Variants in GPR174 observed in about 807,000 individuals in gnomAD.
The protein encoded by GPR174 is probable G protein-coupled receptor 174.
In GPR174, 8 loss-of-function variants were observed where a neutral mutation model predicts 16.5. The ratio of observed to expected loss-of-function variants is 0.48; its 90% confidence interval spans 0.28 to 0.87. GPR174 has a LOEUF of 0.87. Ranked by LOEUF, GPR174 falls within the 40% of genes least tolerant of loss-of-function variation. GPR174 has a pLI of 0.09. For synonymous variants in GPR174, 111 were observed against 94.8 expected (o/e 1.17, Z -0.99); for missense variants, 214 against 247.5 (o/e 0.86, Z 0.91).
chrX:79,159,339 T>G (rs1212373128), intron 2 of GPR174, among the ~76,000 whole-genome samples: 4 of 112,193 alleles, frequency 3.6e-5, no homozygotes, highest in Admixed American at 2.8e-4. Context: ...TTCATAGATG[T>G]ATAAAGATAT....
At chrX:79,153,118 A>G in intron 1 of GPR174, among the ~76,000 whole-genome samples, 1 of 112,448 alleles carries the variant, frequency 8.9e-6, no homozygotes. Context: ...TGCTGTATGG[A>G]ATAGTCCAAC....
intron 2 of GPR174, among the ~76,000 whole-genome samples, chrX:79,162,476 C>G (rs1325218665): frequency 1.8e-5 from 2 of 112,038 alleles, no homozygotes; most frequent in African/African-American, 6.5e-5. Context: ...TGGCCAATAT[C>G]AAATAAGTAA....
chrX:79,163,901 A>T (rs1353169960), intron 2 of GPR174, among the ~76,000 whole-genome samples: 27 of 111,363 alleles, frequency 2.4e-4, no homozygotes, highest in Non-Finnish European at 7.6e-5. Flanking sequence ...CTCTTTGTGA[A>T]TCTAGTACCT....
chrX:79,153,403 A>T (rs1921024886), intron 1 of GPR174, among the ~76,000 whole-genome samples: 1 of 111,969 alleles, frequency 8.9e-6, no homozygotes. Flanking sequence ...CTGGAGCAGC[A>T]GGAAATGGGC....
At chrX:79,169,526 A>C (rs1921458371) in intron 2 of GPR174, among the ~76,000 whole-genome samples, 1 of 111,833 alleles carries the variant, frequency 8.9e-6, no homozygotes, top group African/African-American at 3.3e-5. Context: ...ATTGAAGTAA[A>C]ATAATAATAA....
chrX:79,165,634 A>T (rs1447276897), intron 2 of GPR174, among the ~76,000 whole-genome samples: 1 of 111,846 alleles, frequency 8.9e-6, no homozygotes, highest in East Asian at 2.8e-4. Flanking sequence ...CACCATATAG[A>T]GTAGCCACCT....
intron 1 of GPR174, among the ~76,000 whole-genome samples, chrX:79,147,531 A>G (rs904980385): frequency 9.7e-6 from 1 of 102,984 alleles, no homozygotes; most frequent in Non-Finnish European, 2.0e-5. Context: ...CCCAAAGTGC[A>G]AACTGATACT....
chrX:79,168,493 G>T (rs1385784737), intron 2 of GPR174, among the ~76,000 whole-genome samples: 1 of 108,137 alleles, frequency 9.2e-6, no homozygotes, highest in East Asian at 2.9e-4. Context: ...AAAGCCAGGA[G>T]GTGGAGAGCA....
Position 79,171,081 on chromosome X carries a change from C to T in GPR174, c.74C>T (p.Thr25Ile), listed in dbSNP as rs776484972. The T allele has an allele frequency of 1.2e-5, 14 of 1,203,667 alleles. No individual in the cohort carries two copies. The highest frequency in any genetic ancestry group is 2.3e-4 in the Middle Eastern group (1 of 4,331). Residue 25 changes from threonine (T) to isoleucine (I), a missense_variant, in exon 3 of 3, where the codon ACA (threonine) becomes ATA (isoleucine). Transcript: ENST00000645147. ...TTTCGATACTTTATTTATGCAGTGACATACACTGTCATTCTTGTGCCAGGT... is the reference window on the plus strand; with the variant it reads ...TTTCGATACTTTATTTATGCAGTGATATACACTGTCATTCTTGTGCCAGGT... ...TDFRYFIYAV[T>I]YTVILVPGLI...
chrX:79,173,315 A>G lies in GPR174; in HGVS notation c.*1306A>G, dbSNP rs938660426. ...TAATTTGGTCAGCCTTTGGCAACCAATGGCCAATGACTTGCCTACTACCTG... is the reference window on the plus strand; with the variant it reads ...TAATTTGGTCAGCCTTTGGCAACCAGTGGCCAATGACTTGCCTACTACCTG... On this transcript the variant is annotated 3_prime_UTR_variant, in exon 3 of 3. Coordinates refer to ENST00000645147, the MANE Select transcript of GPR174 (RefSeq NM_032553.3). 1.8e-5 allele frequency: 2 copies of G among 112,104 alleles called. No individual in the cohort carries two copies. Among genetic ancestry groups the G allele is most frequent in the African/African-American group, 6.5e-5 (2 of 30,846 alleles). The allele number at this position is 112,104 out of a possible 1,213,427, so 9.2% of individuals were successfully genotyped here.
At chrX:79,167,554 C>T (rs1030165483) in intron 2 of GPR174, among the ~76,000 whole-genome samples, 6 of 110,325 alleles carry the variant, frequency 5.4e-5, no homozygotes, top group Middle Eastern at 4.6e-3. Flanking sequence ...CCCGTGAGGT[C>T]CTCAATACCA....
intron 1 of GPR174, among the ~76,000 whole-genome samples, chrX:79,148,914 C>G (rs1020672899): frequency 1.8e-5 from 2 of 111,973 alleles, no homozygotes. Context: ...TTAGGTAATA[C>G]TGATGACCTA....
At chrX:79,166,432 CTTTTTTTTTTTTTTTT>C (rs1174620976) in intron 2 of GPR174, among the ~76,000 whole-genome samples, 1 of 43,625 alleles carries the variant, frequency 2.3e-5, no homozygotes, top group Non-Finnish European at 3.7e-5. Flanking sequence ...TTTCTTTTTT[CTTTTTTTTTTTTTTTT>C]TTTTTTTTTT....
At chrX:79,164,844 G>C (rs900587493) in intron 2 of GPR174, among the ~76,000 whole-genome samples, 1 of 110,989 alleles carries the variant, frequency 9.0e-6, no homozygotes, top group Non-Finnish European at 1.9e-5. Flanking sequence ...CAATTATCTG[G>C]AATAATAGTG....
intron 2 of GPR174, among the ~76,000 whole-genome samples, chrX:79,168,247 G>A (rs1204881851): frequency 9.0e-6 from 1 of 111,458 alleles, no homozygotes; most frequent in Non-Finnish European, 1.9e-5. Context: ...CAGCACACTA[G>A]GTCTGCTTTT....
Position 79,171,402 on chromosome X carries a change from A to G in GPR174, c.395A>G (p.Lys132Arg), listed in dbSNP as rs1921512046. Residue 132 changes from lysine (K) to arginine (R), a missense_variant, in exon 3 of 3, where the codon AAA becomes AGA. Coordinates refer to ENST00000645147, the MANE Select transcript of GPR174 (RefSeq NM_032553.3). ...YPFRFHDCKQ[K>R]YDLYISIAGW... ...TTTCGCTTCCATGACTGCAAACAGA[A>G]ATATGACCTGTACATCAGCATTGCT... is the stretch of plus-strand genomic sequence containing the variant. 2.5e-6 allele frequency: 3 copies of G among 1,210,069 alleles called. No individual in the cohort carries two copies. Among genetic ancestry groups the G allele is most frequent in the Non-Finnish European group, 3.4e-6 (3 of 895,295 alleles).
intron 1 of GPR174, among the ~76,000 whole-genome samples, chrX:79,154,176 T>A (rs947042106): frequency 9.0e-6 from 1 of 110,679 alleles, no homozygotes; most frequent in Non-Finnish European, 1.9e-5. Context: ...CTCCAGTGTA[T>A]GATATGAGGA....
intron 1 of GPR174, among the ~76,000 whole-genome samples, chrX:79,152,775 A>C (rs1460819091): frequency 2.7e-5 from 3 of 112,013 alleles, no homozygotes; most frequent in South Asian, 7.4e-4. Flanking sequence ...CAGTTTCTCT[A>C]TCTGTGAAAA....
Position 79,144,740 on chromosome X carries a change from C to T in GPR174, c.-1131C>T, listed in dbSNP as rs1318011188. The T allele has an allele frequency of 9.0e-6, 1 of 111,246 alleles. No homozygotes were observed. Among genetic ancestry groups the T allele is most frequent in the Non-Finnish European group, 1.9e-5 (1 of 52,923 alleles). 9.2% of individuals were successfully genotyped at this position (111,246 alleles called of 1,213,427 possible). On this transcript the variant is annotated 5_prime_UTR_variant, in exon 1 of 3. Coordinates refer to ENST00000645147, the MANE Select transcript of GPR174 (RefSeq NM_032553.3). ...TTCACTCTGACATCTTACTACTATG[C>T]TTTTCAACATGATAGTGGTTAGATA...
Sources: gnomAD v4.1 joint callset for allele counts (sites outside exome capture counted in the v4.1 genomes callset) on GRCh38, gnomAD v4.1.1 for gene constraint, MANE v1.5 for transcripts, NCBI Gene and HGNC (gene_info 2026-07-23, HGNC 2026-07-21) for gene names.